The following LRRC4C variants were observed in gnomAD, a reference collection of about 807,000 sequenced individuals.
LRRC4C encodes the protein leucine-rich repeat-containing protein 4C.
In LRRC4C, 5 loss-of-function variants were observed where a neutral mutation model predicts 33.6. That is an observed-to-expected ratio of 0.15 (90% confidence interval 0.08 to 0.31). The LOEUF is 0.31. LRRC4C is among the 10% of genes least tolerant of loss of function. The probability of loss-of-function intolerance (pLI) is 1.00; values close to 1 mark genes in which losing one functional copy is unlikely to be tolerated. For missense variants in LRRC4C, 560 were observed against 796.7 expected (o/e 0.70, Z 3.58); for synonymous variants, 329 against 302.0 (o/e 1.09, Z -0.93).
chr11:40,812,173 G>A (rs1348683519), intron 2 of LRRC4C, among the ~76,000 whole-genome samples: 1 of 152,162 alleles, frequency 6.6e-6, no homozygotes, highest in Non-Finnish European at 1.5e-5. Context: ...TAGTGGAAAA[G>A]GAGATGCTTA....
rs1359464135 is a variant in LRRC4C, at chr11:41,304,726, A to G, written c.-496+154705T>C. Among the ~76,000 whole-genome samples, 32 of 30,550 alleles carry G rather than the reference A, an allele frequency of 1.0e-3. 2 individuals are homozygous for G. The highest frequency in any genetic ancestry group is 2.2e-3 in the Admixed American group (5 of 2,246). The allele number at this position is 30,550 out of a possible 152,430, so 20.0% of individuals were successfully genotyped here. A position where few individuals can be genotyped will look rare whatever the true frequency, so the allele number is the denominator to read the frequency against. On this transcript the variant is annotated intron_variant, in intron 1 of 6. Coordinates refer to ENST00000528697, the MANE Select transcript of LRRC4C (RefSeq NM_001258419.2). ...CCCCGTCCGGGAGGGAGGTGGGGGT[A>G]TCAGCCCCCCGCCCGGCCAGCCGCC... is the stretch of plus-strand genomic sequence containing the variant.
chr11:40,540,868 A>T (rs1956679959), intron 3 of LRRC4C, among the ~76,000 whole-genome samples: 1 of 152,164 alleles, frequency 6.6e-6, no homozygotes, highest in African/African-American at 2.4e-5. Flanking sequence ...CAGGAACTGC[A>T]CTAGAAGCCA....
chr11:41,417,076 C>T (rs1163854327), intron 1 of LRRC4C, among the ~76,000 whole-genome samples: 2 of 152,016 alleles, frequency 1.3e-5, no homozygotes, highest in African/African-American at 4.8e-5. Flanking sequence ...TCTAGCAACT[C>T]ATTTATAGGC....
chr11:40,628,456 C>A (rs1339628673), intron 3 of LRRC4C, among the ~76,000 whole-genome samples: 2 of 151,762 alleles, frequency 1.3e-5, no homozygotes, highest in African/African-American at 4.8e-5. Context: ...CCAGCCTGGG[C>A]GACAGAGCGA....
At chr11:41,356,306 G>T (rs1952159222) in intron 1 of LRRC4C, among the ~76,000 whole-genome samples, 1 of 152,086 alleles carries the variant, frequency 6.6e-6, no homozygotes, top group Non-Finnish European at 1.5e-5. Context: ...ATATCTACTG[G>T]TAGATCACAC....
Position 41,064,846 on chromosome 11 carries a change from C to CGAA in LRRC4C, c.-495-131126_-495-131124dup, listed in dbSNP as rs1938095796. Among the ~76,000 whole-genome samples the CGAA allele has an allele frequency of 2.0e-5, 3 of 152,298 alleles. No individual in the cohort carries two copies. The South Asian group carries it at 6.2e-4, about 32-fold the overall frequency. ...CGGGGGACCTCCCTTCCCCAACCAA[C>CGAA]GAAGCCCTGAGGGACTGTTTTACCT... On this transcript the variant is annotated intron_variant, in intron 1 of 6. Transcript: ENST00000528697.
intron 2 of LRRC4C, among the ~76,000 whole-genome samples, chr11:40,774,036 C>T (rs1187726506): frequency 6.6e-6 from 1 of 152,068 alleles, no homozygotes; most frequent in East Asian, 1.9e-4. Flanking sequence ...TCCCTGGCAA[C>T]TATTAATCTG....
chr11:40,974,299 G>A (rs1851928316), intron 1 of LRRC4C, among the ~76,000 whole-genome samples: 1 of 152,066 alleles, frequency 6.6e-6, no homozygotes, highest in South Asian at 2.1e-4. Flanking sequence ...ACCAGATGAA[G>A]ATTTTCTTGG....
chr11:40,746,091 A>G (rs1269672365), intron 2 of LRRC4C, among the ~76,000 whole-genome samples: 1 of 152,124 alleles, frequency 6.6e-6, no homozygotes, highest in Non-Finnish European at 1.5e-5. Context: ...AGGCAACCTG[A>G]TCAGTCAGGA....
At chr11:41,058,952 G>T (rs1858844513) in intron 1 of LRRC4C, among the ~76,000 whole-genome samples, 1 of 152,240 alleles carries the variant, frequency 6.6e-6, no homozygotes, top group East Asian at 1.9e-4. Context: ...ACTAATGCAG[G>T]AATGGAAAAC....
intron 1 of LRRC4C, among the ~76,000 whole-genome samples, chr11:41,305,330 G>T (rs1950465856): frequency 1.9e-5 from 1 of 52,612 alleles, no homozygotes; most frequent in Admixed American, 2.7e-4. Flanking sequence ...GAGGTGAGGG[G>T]CGCCTCTGCC....
chr11:40,393,006 G>A (rs551172988), intron 3 of LRRC4C, among the ~76,000 whole-genome samples: 8 of 151,974 alleles, frequency 5.3e-5, no homozygotes, highest in African/African-American at 1.4e-4. Context: ...TTACGCACTC[G>A]CTTAAAATAA....
chr11:40,907,637 T>A (rs909717396), intron 2 of LRRC4C, among the ~76,000 whole-genome samples: 1 of 152,232 alleles, frequency 6.6e-6, no homozygotes. Context: ...TGAAACTGTG[T>A]AGCCTTTAAA....
At chr11:41,261,098 A>G (rs947461534) in intron 1 of LRRC4C, among the ~76,000 whole-genome samples, 35 of 152,228 alleles carry the variant, frequency 2.3e-4, no homozygotes, top group African/African-American at 7.9e-4. Flanking sequence ...CCAATGTAAT[A>G]GTATTAAGAC....
intron 1 of LRRC4C, among the ~76,000 whole-genome samples, chr11:41,224,001 ACTCTGTTTC>A (rs1321756723): frequency 6.6e-6 from 1 of 152,040 alleles, no homozygotes; most frequent in African/African-American, 2.4e-5. Flanking sequence ...GGAAAATTAT[ACTCTGTTTC>A]CTATCACAGT....
chr11:40,711,401 C>A (rs1946458781), intron 2 of LRRC4C, among the ~76,000 whole-genome samples: 1 of 152,104 alleles, frequency 6.6e-6, no homozygotes, highest in Non-Finnish European at 1.5e-5. Context: ...AAAACAGGAG[C>A]TATCTTATCT....
intron 2 of LRRC4C, among the ~76,000 whole-genome samples, chr11:40,919,217 G>A (rs1438632333): frequency 2.6e-5 from 4 of 152,060 alleles, no homozygotes; most frequent in African/African-American, 9.7e-5. Flanking sequence ...GGACCTAAAA[G>A]CTAAAGATCA....
At chr11:41,254,676 T>G (rs1948744429) in intron 1 of LRRC4C, among the ~76,000 whole-genome samples, 1 of 151,992 alleles carries the variant, frequency 6.6e-6, no homozygotes, top group African/African-American at 2.4e-5. Context: ...GTGTAAGGAA[T>G]TTGGATGTGA....
chr11:41,399,160 C>G (rs536768362), intron 1 of LRRC4C, among the ~76,000 whole-genome samples: 1 of 151,976 alleles, frequency 6.6e-6, no homozygotes, highest in South Asian at 2.1e-4. Flanking sequence ...TAACAGAAAA[C>G]CTGGATCAGT....
Sources: allele counts gnomAD v4.1 joint callset (sites outside exome capture counted in the v4.1 genomes callset), GRCh38; gene constraint gnomAD v4.1.1; transcripts MANE v1.5; gene names NCBI Gene and HGNC (gene_info 2026-07-23, HGNC 2026-07-21).